Variants in RAPGEF5 observed in about 807,000 individuals in gnomAD.
RAPGEF5 encodes the protein M-Ras-regulated GEF.
A neutral mutation model predicts 125.2 loss-of-function variants in RAPGEF5; 65 were observed. The observed-to-expected ratio is 0.52, with a 90% confidence interval of 0.43 to 0.64. RAPGEF5 has a LOEUF of 0.64. RAPGEF5 is among the 30% of genes least tolerant of loss of function. The probability of loss-of-function intolerance (pLI) is 0.00; values close to 1 mark genes in which losing one functional copy is unlikely to be tolerated. For synonymous variants in RAPGEF5, 391 were observed against 385.9 expected (o/e 1.01, Z -0.16); for missense variants, 958 against 1,048.1 (o/e 0.91, Z 1.19).
At chr7:22,222,977 G>A (rs12671750) in intron 8 of RAPGEF5, among the ~76,000 whole-genome samples, 12,557 of 53,998 alleles carry the variant, frequency 0.23, 805 homozygotes, top group East Asian at 0.52. Flanking sequence ...AGTTGTCATG[G>A]GGGGAGGCAG....
chr7:22,296,823 G>C (rs1320393975), intron 5 of RAPGEF5, among the ~76,000 whole-genome samples: 1 of 152,168 alleles, frequency 6.6e-6, no homozygotes, highest in Non-Finnish European at 1.5e-5. Flanking sequence ...CAGCTAGTGA[G>C]ACAGAAGAGC....
intron 7 of RAPGEF5, among the ~76,000 whole-genome samples, chr7:22,264,187 A>T (rs574048687): frequency 6.6e-6 from 1 of 152,280 alleles, no homozygotes; most frequent in East Asian, 1.9e-4. Context: ...TAATCTTTAC[A>T]TGCATCTCTG....
intron 8 of RAPGEF5, chr7:22,220,265 T>G (rs1436772868): frequency 1.3e-5 from 4 of 299,338 alleles, no homozygotes; most frequent in Non-Finnish European, 2.5e-5. Flanking sequence ...AGTGTGCGCC[T>G]GATAGGCTCC....
chr7:22,315,848 T>C (rs990195541), intron 2 of RAPGEF5, among the ~76,000 whole-genome samples: 2 of 152,108 alleles, frequency 1.3e-5, no homozygotes, highest in African/African-American at 4.8e-5. Context: ...CTTTATATTA[T>C]GCATTAAGTC....
intron 7 of RAPGEF5, among the ~76,000 whole-genome samples, chr7:22,240,505 G>A (rs1471862159): frequency 6.6e-6 from 1 of 151,820 alleles, no homozygotes; most frequent in African/African-American, 2.4e-5. Flanking sequence ...CCAAGTAGCT[G>A]GGATTACAGG....
chr7:22,282,715 T>C (rs1401435444), intron 6 of RAPGEF5, among the ~76,000 whole-genome samples: 9 of 152,308 alleles, frequency 5.9e-5, no homozygotes, highest in African/African-American at 1.9e-4. Flanking sequence ...TCAACAAATA[T>C]TAGCCATTCT....
At chr7:22,189,668 GA>G (rs940008096) in intron 11 of RAPGEF5, among the ~76,000 whole-genome samples, 4 of 146,016 alleles carry the variant, frequency 2.7e-5, no homozygotes, top group Admixed American at 2.0e-4. Flanking sequence ...CTGAACCTTG[GA>G]AAAAAAAAAG....
chr7:22,219,991 C>T lies in RAPGEF5; in HGVS notation c.871G>A (p.Ala291Thr), dbSNP rs1023498201. 1.2e-6 allele frequency: 2 copies of T among 1,613,282 alleles called. No individual in the cohort carries two copies. The highest frequency in any genetic ancestry group is 1.7e-6 in the Non-Finnish European group (2 of 1,179,524). ...TEAESVPDSQ[A>T]GVMCKLQERD... ...TCCTGGAGCTTGCACATCACCCCTG[C>T]CTTAAGAGTTGGAGAAAAAGCGAAG... Residue 291 changes from alanine to threonine, a missense_variant and splice_region_variant, in exon 9 of 26, where the codon GCA becomes ACA. Ala to Thr is a moderately conservative substitution (Grantham distance 58). Coordinates refer to ENST00000665637, the MANE Select transcript of RAPGEF5 (RefSeq NM_012294.5).
chr7:22,210,869 G>C (rs1258214105), intron 9 of RAPGEF5, among the ~76,000 whole-genome samples: 1 of 152,056 alleles, frequency 6.6e-6, no homozygotes, highest in Non-Finnish European at 1.5e-5. Context: ...ACCTATTCCA[G>C]TTAAACCTAA....
chr7:22,212,508 A>G (rs1179617784), intron 9 of RAPGEF5, among the ~76,000 whole-genome samples: 1 of 152,226 alleles, frequency 6.6e-6, no homozygotes, highest in Non-Finnish European at 1.5e-5. Flanking sequence ...GAGATGTATC[A>G]GGGCAGTCCT....
intron 9 of RAPGEF5, among the ~76,000 whole-genome samples, chr7:22,195,302 T>A (rs1562755828): frequency 2.0e-5 from 3 of 152,242 alleles, no homozygotes; most frequent in African/African-American, 2.4e-5. Flanking sequence ...AATCTTGCCC[T>A]AATTGCCAGC....
intron 7 of RAPGEF5, among the ~76,000 whole-genome samples, chr7:22,251,523 G>T (rs1395841169): frequency 6.6e-6 from 1 of 152,112 alleles, no homozygotes; most frequent in East Asian, 1.9e-4. Context: ...GGGAGTAGCT[G>T]CCCAGTCAAC....
chr7:22,130,331 C>G (rs1782875565), intron 24 of RAPGEF5, among the ~76,000 whole-genome samples: 1 of 152,182 alleles, frequency 6.6e-6, no homozygotes. Flanking sequence ...GTCAGAAAGG[C>G]TTGGAGGGGC....
chr7:22,159,150 T>C (rs554354683), intron 14 of RAPGEF5, among the ~76,000 whole-genome samples: 2 of 152,310 alleles, frequency 1.3e-5, no homozygotes, highest in East Asian at 3.9e-4. Context: ...AAGGTTGTCC[T>C]TTTTTTCTTT....
chr7:22,309,984 C>T lies in RAPGEF5; in HGVS notation c.496G>A (p.Gly166Arg). ...TAATACTAACCTGATAACATAATTC[C>T]CATGTCCAGTAGGAGTTGCCAGACT... Reference protein sequence around the residue: ...IGVWQLLLDMGIMLSVDQHLY... With the variant: ...IGVWQLLLDMRIMLSVDQHLY... Residue 166 changes from glycine to arginine, a missense_variant, in exon 4 of 26, where the codon GGA becomes AGA. Gly to Arg is a moderately radical substitution (Grantham distance 125, BLOSUM62 -2). Coordinates refer to ENST00000665637, the MANE Select transcript of RAPGEF5 (RefSeq NM_012294.5). 1 of 1,588,262 alleles carries T rather than the reference C, an allele frequency of 6.3e-7. No homozygotes were observed. Among genetic ancestry groups the T allele is most frequent in the Non-Finnish European group, 8.5e-7 (1 of 1,171,872 alleles).
chr7:22,221,154 G>A (rs998932888), intron 8 of RAPGEF5, among the ~76,000 whole-genome samples: 1 of 152,158 alleles, frequency 6.6e-6, no homozygotes, highest in African/African-American at 2.4e-5. Context: ...ACAGCAAGTG[G>A]AATTCCTCCA....
chr7:22,201,850 G>C (rs572623342), intron 9 of RAPGEF5, among the ~76,000 whole-genome samples: 1 of 152,222 alleles, frequency 6.6e-6, no homozygotes, highest in African/African-American at 2.4e-5. Context: ...GTGGGATGGA[G>C]GGTAGAAGAG....
rs1482173925 is a variant in RAPGEF5, at chr7:22,120,674, C to G, written c.*1732G>C. 1 of 152,596 alleles carries G rather than the reference C, an allele frequency of 6.6e-6. No individual in the cohort carries two copies. The highest frequency in any genetic ancestry group is 1.5e-5 in the Non-Finnish European group (1 of 68,080). The allele number at this position is 152,596 out of a possible 1,614,324, so 9.5% of individuals were successfully genotyped here. A position where few individuals can be genotyped will look rare whatever the true frequency, so the allele number is the denominator to read the frequency against. Reference sequence around the variant, plus strand: ...CACATTCCATGACGGCAGCATGCAGCATTTCTCTGAATGGACCAGCCCTGG... The same window carrying G: ...CACATTCCATGACGGCAGCATGCAGGATTTCTCTGAATGGACCAGCCCTGG... On this transcript the variant is annotated 3_prime_UTR_variant, in exon 26 of 26. Coordinates refer to ENST00000665637, the MANE Select transcript of RAPGEF5 (RefSeq NM_012294.5). The surrounding 1 kb of genome is among the most constrained non-coding windows in gnomAD (Gnocchi z 4.0).
At chr7:22,199,170 T>C (rs987447871) in intron 9 of RAPGEF5, among the ~76,000 whole-genome samples, 4 of 152,122 alleles carry the variant, frequency 2.6e-5, no homozygotes, top group African/African-American at 9.7e-5. Context: ...GCTTTCATTC[T>C]AAGAGAGGAA....
Sources: allele counts gnomAD v4.1 joint callset (sites outside exome capture counted in the v4.1 genomes callset), GRCh38; gene constraint gnomAD v4.1.1; non-coding constraint Gnocchi (gnomAD v3.1); transcripts MANE v1.5; gene names NCBI Gene and HGNC (gene_info 2026-07-23, HGNC 2026-07-21).